The following ZNF91 variants were observed in gnomAD, a reference collection of about 807,000 sequenced individuals.
The protein encoded by ZNF91 is zinc finger protein 91.
ZNF91 carries 7 observed loss-of-function variants against 12.6 expected under a neutral mutation model. The ratio of observed to expected loss-of-function variants is 0.55; its 90% CI spans 0.31 to 1.04. ZNF91 has a LOEUF of 1.04. ZNF91 is among the 50% of genes least tolerant of loss of function. ZNF91 has a pLI of 0.05. For missense variants in ZNF91, 1,217 were observed against 1,385.4 expected (o/e 0.88, Z 1.93); for synonymous variants, 453 against 462.6 (o/e 0.98, Z 0.27).
chr19:23,383,304 A>T (rs1969777672), intron 1 of ZNF91, among the ~76,000 whole-genome samples: 1 of 152,210 alleles, frequency 6.6e-6, no homozygotes, highest in African/African-American at 2.4e-5. Context: ...CTTTCATGTT[A>T]AAAATCCTCA....
intron 3 of ZNF91, among the ~76,000 whole-genome samples, chr19:23,370,915 T>G (rs1264872429): frequency 6.6e-6 from 1 of 152,230 alleles, no homozygotes; most frequent in African/African-American, 2.4e-5. Flanking sequence ...TTATAAATTT[T>G]CTTGAAAATT....
chr19:23,314,944 C>A (rs926851652), upstream of ZNF91, among the ~76,000 whole-genome samples: 2 of 152,144 alleles, frequency 1.3e-5, no homozygotes, highest in African/African-American at 4.8e-5. Flanking sequence ...TGTTTGAACT[C>A]TTTTCACTGG....
At chr19:23,389,365 T>C (rs1284442033) in intron 1 of ZNF91, among the ~76,000 whole-genome samples, 2 of 148,794 alleles carry the variant, frequency 1.3e-5, no homozygotes, top group African/African-American at 5.0e-5. Context: ...GGTGGGAATA[T>C]GCCAGAAGAC....
At chr19:23,312,446 A>G (rs974884347), upstream of ZNF91, among the ~76,000 whole-genome samples, 2 of 152,238 alleles carry the variant, frequency 1.3e-5, no homozygotes, top group African/African-American at 4.8e-5. Context: ...CGCATTTCAT[A>G]GAAAGTCCTT....
intron 1 of ZNF91, among the ~76,000 whole-genome samples, chr19:23,321,231 T>C (rs1007226260): frequency 2.0e-5 from 3 of 152,204 alleles, no homozygotes; most frequent in African/African-American, 7.2e-5. Flanking sequence ...GATATACTGC[T>C]GGACCCAGAA....
intron 1 of ZNF91, among the ~76,000 whole-genome samples, chr19:23,375,362 T>C (rs918138096): frequency 4.6e-5 from 7 of 152,250 alleles, no homozygotes; most frequent in African/African-American, 1.7e-4. Flanking sequence ...GGTTTCACTG[T>C]GTTAGCCAGG....
intron 3 of ZNF91, among the ~76,000 whole-genome samples, chr19:23,368,282 T>C (rs1361119170): frequency 6.6e-6 from 1 of 151,604 alleles, no homozygotes; most frequent in Non-Finnish European, 1.5e-5. Flanking sequence ...GAGGCTGAGA[T>C]AGGTGGATCA....
intron 1 of ZNF91, among the ~76,000 whole-genome samples, chr19:23,382,049 C>CA (rs60814223): frequency 0.019 from 1,477 of 79,348 alleles, 14 homozygotes; most frequent in Non-Finnish European, 0.022. Flanking sequence ...AATCCTGAGA[C>CA]AAAAAAAAAA....
intron 3 of ZNF91, among the ~76,000 whole-genome samples, chr19:23,344,383 C>T (rs12982501): frequency 0.18 from 27,412 of 152,024 alleles, 2,672 homozygotes; most frequent in Non-Finnish European, 0.21. Flanking sequence ...GGTGAGCCAC[C>T]GCGCCCGGCA....
downstream of ZNF91, among the ~76,000 whole-genome samples, chr19:23,336,679 A>T (rs1968014802): frequency 6.6e-6 from 1 of 152,232 alleles, no homozygotes; most frequent in African/African-American, 2.4e-5. Context: ...TTTGTTAAAA[A>T]GAAATAATTT....
chr19:23,317,795 G>A (rs1352643719), intron 1 of ZNF91, among the ~76,000 whole-genome samples: 1 of 152,170 alleles, frequency 6.6e-6, no homozygotes, highest in Non-Finnish European at 1.5e-5. Flanking sequence ...AGAAGAAAGC[G>A]AGGTTCCCAC....
At position 23,318,915 on chromosome 19, in the gene ZNF91, G is replaced by T. The variant is rs563557545; in HGVS notation, n.117-9818C>A. On this transcript the variant is annotated intron_variant and non_coding_transcript_variant, in intron 1 of 1. Transcript: ENST00000596528. ...ATATTCCTTCACCCAACATTTATGT[G>T]ATGTGATTCTCCTCTCATGTCTGGA... Among the ~76,000 whole-genome samples, 7 of 152,262 alleles carry T rather than the reference G, an allele frequency of 4.6e-5. No homozygotes were observed. The East Asian group carries it at 5.8e-4, about 13-fold the overall frequency.
At chr19:23,334,447 C>T (rs1967971405), downstream of ZNF91, among the ~76,000 whole-genome samples, 1 of 152,158 alleles carries the variant, frequency 6.6e-6, no homozygotes, top group Non-Finnish European at 1.5e-5. Flanking sequence ...ACGTGCAGTG[C>T]AAACTTGTAA....
At chr19:23,394,002 A>T (rs568886204) in intron 1 of ZNF91, among the ~76,000 whole-genome samples, 1 of 152,352 alleles carries the variant, frequency 6.6e-6, no homozygotes, top group South Asian at 2.1e-4. Flanking sequence ...TGTCTCAAAA[A>T]TTAAAAATAA....
downstream of ZNF91, among the ~76,000 whole-genome samples, chr19:23,352,922 T>C (rs1412512166): frequency 1.3e-5 from 2 of 152,144 alleles, no homozygotes; most frequent in African/African-American, 2.4e-5. Context: ...ATCCTAAACA[T>C]ATATGCACCT....
downstream of ZNF91, among the ~76,000 whole-genome samples, chr19:23,356,053 T>G (rs1365301240): frequency 6.6e-6 from 1 of 152,156 alleles, no homozygotes. Context: ...CTGGTGAGAA[T>G]GTAAACTGAT....
intron 3 of ZNF91, among the ~76,000 whole-genome samples, chr19:23,364,236 T>A (rs1195693203): frequency 6.6e-6 from 1 of 152,090 alleles, no homozygotes; most frequent in East Asian, 1.9e-4. Flanking sequence ...GATTATGAGG[T>A]CAGGAGTTTG....
At chr19:23,323,613 T>C (rs111212060) in intron 1 of ZNF91, among the ~76,000 whole-genome samples, 1 of 119,236 alleles carries the variant, frequency 8.4e-6, no homozygotes, top group Non-Finnish European at 1.7e-5. Context: ...TCCTCCTCCT[T>C]TTCTCTTCTC....
intron 1 of ZNF91, among the ~76,000 whole-genome samples, chr19:23,377,756 T>G (rs1788598542): frequency 6.6e-6 from 1 of 152,188 alleles, no homozygotes; most frequent in African/African-American, 2.4e-5. Flanking sequence ...TAAGTCTGCA[T>G]TTGGAAAACA....
Sources: allele counts gnomAD v4.1 joint callset (sites outside exome capture counted in the v4.1 genomes callset), GRCh38; gene constraint gnomAD v4.1.1; transcripts MANE v1.5; gene names NCBI Gene and HGNC (gene_info 2026-07-23, HGNC 2026-07-21).